The following MTSS1 variants were observed in gnomAD, a reference collection of about 807,000 sequenced individuals.
The protein encoded by MTSS1 is MTSS I-BAR domain containing 1, also known as protein MTSS 1.
A neutral mutation model predicts 79.0 loss-of-function variants in MTSS1; 18 were observed. The observed-to-expected ratio is 0.23, with a 90% CI of 0.16 to 0.34. MTSS1 has a LOEUF of 0.34. Ranked by LOEUF, MTSS1 falls within the 10% of genes least tolerant of loss-of-function variation. The pLI, the probability that MTSS1 is intolerant of heterozygous loss-of-function variation, is 1.00. For synonymous variants in MTSS1, 341 were observed against 368.6 expected, an observed-to-expected ratio of 0.93 and a Z score of 0.86; for missense variants, 815 against 986.2, an observed-to-expected ratio of 0.83 and a Z score of 2.33.
At chr8:124,661,850 G>T (rs572823943) in intron 3 of MTSS1, among the ~76,000 whole-genome samples, 1 of 152,248 alleles carries the variant, frequency 6.6e-6, no homozygotes, top group South Asian at 2.1e-4. Flanking sequence ...GCCCACATCT[G>T]TCTGCATTTC....
At chr8:124,677,566 T>C (rs1825511451) in intron 3 of MTSS1, among the ~76,000 whole-genome samples, 3 of 152,234 alleles carry the variant, frequency 2.0e-5, no homozygotes, top group African/African-American at 7.2e-5. Flanking sequence ...AACTCTTTAA[T>C]AGTCATTCTT....
chr8:124,621,815 C>T (rs1813572095), intron 3 of MTSS1, among the ~76,000 whole-genome samples: 1 of 152,208 alleles, frequency 6.6e-6, no homozygotes, highest in Non-Finnish European at 1.5e-5. Flanking sequence ...TCCCAAGGTG[C>T]TGGGATTACA....
intron 6 of MTSS1, among the ~76,000 whole-genome samples, chr8:124,584,072 T>TG (rs1317677133): frequency 6.6e-6 from 1 of 152,120 alleles, no homozygotes; most frequent in African/African-American, 2.4e-5. Flanking sequence ...AAATTCAGGG[T>TG]GGGGGGCTCA....
At chr8:124,596,994 A>G (rs1832875839) in intron 3 of MTSS1, among the ~76,000 whole-genome samples, 1 of 152,030 alleles carries the variant, frequency 6.6e-6, no homozygotes, top group African/African-American at 2.4e-5. Context: ...CTGTGTCCAA[A>G]TGGTCACATT....
chr8:124,717,225 C>A (rs1399036905), intron 1 of MTSS1, among the ~76,000 whole-genome samples: 1 of 152,118 alleles, frequency 6.6e-6, no homozygotes, highest in Non-Finnish European at 1.5e-5. Flanking sequence ...GGCATGGTGG[C>A]TCATGCCTGT....
At chr8:124,725,791 G>T (rs72714789) in intron 1 of MTSS1, among the ~76,000 whole-genome samples, 4 of 152,122 alleles carry the variant, frequency 2.6e-5, no homozygotes, top group African/African-American at 9.7e-5. Flanking sequence ...AATCCATGAT[G>T]AAGTCTTTTA....
chr8:124,688,117 C>T (rs1827282537), intron 3 of MTSS1, among the ~76,000 whole-genome samples: 1 of 152,080 alleles, frequency 6.6e-6, no homozygotes, highest in Non-Finnish European at 1.5e-5. Context: ...AGTTCCATTT[C>T]AATTGTAAAC....
chr8:124,619,352 C>T (rs1813011964), intron 3 of MTSS1: 1 of 152,416 alleles, frequency 6.6e-6, no homozygotes, highest in South Asian at 2.1e-4. Flanking sequence ...TGGGTATCAC[C>T]TAGACTGAGC....
chr8:124,662,972 A>G (rs1170602649), intron 3 of MTSS1, among the ~76,000 whole-genome samples: 1 of 152,054 alleles, frequency 6.6e-6, no homozygotes, highest in African/African-American at 2.4e-5. Flanking sequence ...TGTTTTCTCC[A>G]GGTAACCAAG....
intron 1 of MTSS1, among the ~76,000 whole-genome samples, chr8:124,709,485 C>A (rs948164052): frequency 6.6e-6 from 1 of 152,228 alleles, no homozygotes; most frequent in Non-Finnish European, 1.5e-5. Context: ...TCCCGCCACG[C>A]CCCGGCTTCT....
intron 3 of MTSS1, among the ~76,000 whole-genome samples, chr8:124,616,371 TAAAAA>T (rs68110053): frequency 0.029 from 3,451 of 119,590 alleles, 57 homozygotes; most frequent in South Asian, 0.048. Context: ...TTTCAGGCAG[TAAAAA>T]AAAAAAAAAA....
At chr8:124,660,449 C>T (rs1490619414) in intron 3 of MTSS1, among the ~76,000 whole-genome samples, 2 of 151,266 alleles carry the variant, frequency 1.3e-5, no homozygotes, top group Non-Finnish European at 2.9e-5. Context: ...CACACACACA[C>T]ACACACACAC....
At chr8:124,589,445 A>G (rs1831441877) in intron 5 of MTSS1, among the ~76,000 whole-genome samples, 175 bp downstream of exon 5, 1 of 152,200 alleles carries the variant, frequency 6.6e-6, no homozygotes, top group African/African-American at 2.4e-5. Flanking sequence ...CAACGGGATC[A>G]CTTTGTTCTC....
chr8:124,725,247 T>A, intron 1 of MTSS1, among the ~76,000 whole-genome samples: 1 of 152,218 alleles, frequency 6.6e-6, no homozygotes, highest in Non-Finnish European at 1.5e-5. Flanking sequence ...AGGACTTAGA[T>A]GAAGCATCTT....
At chr8:124,602,178 C>CAT in intron 3 of MTSS1, among the ~76,000 whole-genome samples, 1 of 101,432 alleles carries the variant, frequency 9.9e-6, no homozygotes. Flanking sequence ...AAATAAATCT[C>CAT]ATATATATAC....
intron 3 of MTSS1, among the ~76,000 whole-genome samples, chr8:124,669,594 G>T (rs965858638): frequency 6.6e-6 from 1 of 152,194 alleles, no homozygotes; most frequent in South Asian, 2.1e-4. Context: ...ACTGCAGAAG[G>T]TTCCAGCCAA....
intron 1 of MTSS1, among the ~76,000 whole-genome samples, chr8:124,714,171 GA>G (rs1831572841): frequency 6.6e-6 from 1 of 152,194 alleles, no homozygotes; most frequent in South Asian, 2.1e-4. Context: ...TTTCAAAGGT[GA>G]AAACCTGCCA....
At chr8:124,556,914 GC>G (rs1823952803) in intron 11 of MTSS1, among the ~76,000 whole-genome samples, 1 of 152,208 alleles carries the variant, frequency 6.6e-6, no homozygotes, top group African/African-American at 2.4e-5. Context: ...AAAGGAAGGC[GC>G]CCAGGGGCAG....
chr8:124,655,630 T>C (rs1820801096), intron 3 of MTSS1, among the ~76,000 whole-genome samples: 2 of 152,230 alleles, frequency 1.3e-5, no homozygotes, highest in Non-Finnish European at 2.9e-5. Context: ...GGGAGATAAA[T>C]ACTCTTACAG....
Sources: allele counts gnomAD v4.1 joint callset (sites outside exome capture counted in the v4.1 genomes callset), GRCh38; gene constraint gnomAD v4.1.1; transcripts MANE v1.5; gene names NCBI Gene and HGNC (gene_info 2026-07-23, HGNC 2026-07-21).